Variants in PPOX observed in about 807,000 individuals in gnomAD.
PPOX encodes the protein variegate porphyria.
A neutral mutation model predicts 54.1 loss-of-function variants in PPOX; 23 were observed. That is an observed-to-expected ratio of 0.43 (90% confidence interval 0.31 to 0.60). The LOEUF (loss-of-function observed/expected upper bound fraction) is 0.60. Ranked by LOEUF, PPOX falls within the 20% of genes least tolerant of loss-of-function variation. The pLI is 0.13. For synonymous variants in PPOX, 224 were observed against 236.1 expected, an observed-to-expected ratio of 0.95 and a Z score of 0.47; for missense variants, 512 against 601.1, an observed-to-expected ratio of 0.85 and a Z score of 1.55.
In PPOX at chr1:161,171,018, C is replaced by T. The variant is rs2101906981; in HGVS notation, c.1292-16C>T. ...AGACCCCCAGCTAAAACATTCCTTT[C>T]ATCCTTTCCTTCCAGAGTCAGCTAG... On this transcript the variant is annotated splice_polypyrimidine_tract_variant and intron_variant, in intron 12 of 12. Transcript: ENST00000367999. The T allele has an allele frequency of 6.2e-7, 1 of 1,614,182 alleles. No homozygotes were observed. Among genetic ancestry groups the T allele is most frequent in the Non-Finnish European group, 8.5e-7 (1 of 1,180,030 alleles).
chr1:161,172,482 A>C, downstream of PPOX: 1 of 659,744 alleles, frequency 1.5e-6, no homozygotes, highest in Non-Finnish European at 2.5e-6. Context: ...AAAGAAGGAA[A>C]TGGCTGAAGA....
rs763007710 is a variant in PPOX at position 161,171,092 on chromosome 1, C to A, written c.1350C>A (p.Ser450=). 2 of 1,614,112 alleles carry A rather than the reference C, an allele frequency of 1.2e-6. No individual in the cohort carries two copies. Among genetic ancestry groups the A allele is most frequent in the Admixed American group, 3.3e-5 (2 of 60,022 alleles). Residue 450 remains serine (S), a synonymous_variant, in exon 13 of 13, where the codon TCC becomes TCA. Coordinates refer to ENST00000367999, the MANE Select transcript of PPOX (RefSeq NM_001122764.3). ...TGCCCCTGACTCTGGCTGGAGCCTC[C>A]TATGAGGGAGTTGCTGTTAATGACT... ...HRLPLTLAGA[S]YEGVAVNDCI... is the part of the protein sequence containing the mutation.
chr1:161,168,219 T>C (rs1659816323), intron 5 of PPOX, 92 bp downstream of exon 5: 6 of 1,599,418 alleles, frequency 3.8e-6, no homozygotes, highest in Non-Finnish European at 5.1e-6. Flanking sequence ...CTCTTCTGTA[T>C]CATTTGGGGA....
upstream of PPOX, chr1:161,166,036 C>G (rs1658777312): frequency 2.1e-6 from 2 of 954,068 alleles, no homozygotes; most frequent in Admixed American, 6.2e-5. Context: ...CTCCCGTAGG[C>G]CCGGTCTGTT....
intron 4 of PPOX, 65 bp downstream of exon 4, chr1:161,167,551 T>C: frequency 7.5e-7 from 1 of 1,337,024 alleles, no homozygotes; most frequent in Non-Finnish European, 1.0e-6. Context: ...ATTTCTTTCT[T>C]CTTTTCTTTT....
In PPOX at chr1:161,168,923, T is replaced by C. The variant is rs568216684; in HGVS notation, c.617-70T>C. On this transcript the variant is annotated intron_variant, in intron 6 of 12. Transcript: ENST00000367999. The stretch of plus-strand genomic sequence containing the variant: ...AAGTGATCCACCCGCCTCGGCCTCC[T>C]AAAGTGCTGGGATTACAGGTGTGAG... 22 of 1,585,896 alleles carry C rather than the reference T, an allele frequency of 1.4e-5. No individual in the cohort carries two copies. The East Asian group carries it at 4.5e-4, about 32-fold the overall frequency.
upstream of PPOX, chr1:161,166,145 C>G (rs1374107378): frequency 1.0e-6 from 1 of 985,268 alleles, no homozygotes; most frequent in East Asian, 1.1e-4. Context: ...GCGGCCTTCC[C>G]TCTAGGGTTG....
intron 7 of PPOX, 39 bp from the exon 8 acceptor site, chr1:161,169,621 C>A (rs1558032550): frequency 1.2e-6 from 2 of 1,601,694 alleles, no homozygotes; most frequent in East Asian, 2.2e-5. Flanking sequence ...TCATCAAATT[C>A]TCATTTTCTG....
intron 5 of PPOX, 77 bp downstream of exon 5, chr1:161,168,204 A>AG: frequency 1.9e-6 from 3 of 1,608,158 alleles, no homozygotes; most frequent in South Asian, 2.2e-5. Flanking sequence ...TCTACCACCT[A>AG]GGGGCTCTTC....
intron 4 of PPOX, chr1:161,176,238 T>C (rs1428282207): frequency 1.3e-6 from 1 of 778,932 alleles, no homozygotes; most frequent in African/African-American, 1.7e-5. Context: ...GGAAACAGAA[T>C]GTAACCACCA....
In PPOX at chr1:161,170,460, G is replaced by A. The variant is rs778206779; in HGVS notation, c.1039G>A (p.Val347Met). ...AGAAGATCCAGGAGTCCTGGGAATC[G>A]TGTATGACTCAGTTGCTTTCCCTGA... Reference protein sequence around the residue: ...SSEDPGVLGIVYDSVAFPEQD... With the variant: ...SSEDPGVLGIMYDSVAFPEQD... The change falls in exon 10 of 13, where the codon GTG (valine) becomes ATG (methionine). Residue 347 changes from valine (V) to methionine (M), a missense_variant. By Grantham distance (21) the Val-to-Met change is conservative. Coordinates refer to ENST00000367999, the MANE Select transcript of PPOX (RefSeq NM_001122764.3). 3.1e-6 allele frequency: 5 copies of A among 1,614,192 alleles called. No homozygotes were observed. Among genetic ancestry groups the A allele is most frequent in the Admixed American group, 1.7e-5 (1 of 60,014 alleles).
chr1:161,177,358 C>T (rs995179809), downstream of PPOX: 7 of 435,220 alleles, frequency 1.6e-5, no homozygotes, highest in East Asian at 4.2e-5. Flanking sequence ...CAAAACTTCT[C>T]ACTCTCTCGA....
At chr1:161,169,854 T>C (rs1449177910) in intron 8 of PPOX, 52 bp from the exon 9 acceptor site, 13 of 1,614,042 alleles carry the variant, frequency 8.1e-6, no homozygotes, top group African/African-American at 4.0e-5. Flanking sequence ...CAAAGAGGAC[T>C]GACAACTGTA....
In PPOX at chr1:161,167,228, G is replaced by C; in HGVS notation, c.216G>C (p.Leu72Phe). Reference protein sequence around the residue: ...RPAGALGARTLLLVSELGLDS... With the variant: ...RPAGALGARTFLLVSELGLDS... ...CGGGAGCCCTAGGGGCCCGGACCTT[G>C]CTCCTGGTGAGAGGCTTGTGGGATG... is the stretch of plus-strand genomic sequence containing the variant. The change falls in exon 3 of 13, where the codon TTG (leucine) becomes TTC (phenylalanine). Residue 72 changes from leucine to phenylalanine, a missense_variant. Leu to Phe is a conservative substitution (Grantham distance 22, BLOSUM62 0). Transcript: ENST00000367999. 6.2e-7 allele frequency: 1 copy of C among 1,614,198 alleles called. No homozygotes were observed. The highest frequency in any genetic ancestry group is 8.5e-7 in the Non-Finnish European group (1 of 1,180,030).
rs939652173 is a variant in PPOX at position 161,166,541 on chromosome 1, G to A, written c.-140G>A. The stretch of plus-strand genomic sequence containing the variant: ...ACCTCAGAACTCAGGCGTACTGCCC[G>A]CCGCCCGAGCCCTGCGAGGGCCGAT... On this transcript the variant is annotated 5_prime_UTR_variant, in exon 1 of 13. Coordinates refer to ENST00000367999, the MANE Select transcript of PPOX (RefSeq NM_001122764.3). 8.7e-6 allele frequency: 12 copies of A among 1,374,438 alleles called. No homozygotes were observed. Among genetic ancestry groups the A allele is most frequent in the African/African-American group, 1.5e-5 (1 of 68,472 alleles). The allele number at this position is 1,374,438 out of a possible 1,614,324, so 85.1% of individuals were successfully genotyped here.
chr1:161,175,764 G>C, downstream of PPOX: 2 of 1,602,728 alleles, frequency 1.2e-6, no homozygotes, highest in Non-Finnish European at 1.7e-6. Context: ...CCCTGTCTCC[G>C]CACCTTGTCC....
intron 3 of PPOX, 40 bp downstream of exon 3, chr1:161,167,274 G>A (rs771477400): frequency 8.7e-6 from 14 of 1,614,042 alleles, no homozygotes; most frequent in Non-Finnish European, 1.2e-5. Context: ...GTTGTGGAGG[G>A]GGCTTCCATT....
Position 161,169,158 on chromosome 1 carries a change from G to A in PPOX, c.782G>A (p.Ser261Asn). ...VLRGQPVCGL[S>N]LQAEGRWKVS... ...AGAGGCCAGCCGGTCTGTGGGCTCA[G>A]CCTCCAGGCAGAAGGGCGCTGGAAG... The change falls in exon 7 of 13, where the codon AGC (serine) becomes AAC (asparagine). Residue 261 changes from serine to asparagine, a missense_variant. Transcript: ENST00000367999. The A allele has an allele frequency of 6.2e-7, 1 of 1,614,112 alleles. No homozygotes were observed. The highest frequency in any genetic ancestry group is 8.5e-7 in the Non-Finnish European group (1 of 1,180,026).
chr1:161,167,399 T>G lies in PPOX; in HGVS notation c.251T>G (p.Val84Gly). 1.9e-6 allele frequency: 3 copies of G among 1,613,948 alleles called. No individual in the cohort carries two copies. The highest frequency in any genetic ancestry group is 8.5e-7 in the Non-Finnish European group (1 of 1,179,990). The change falls in exon 4 of 13, where the codon GTG (valine) becomes GGG (glycine). Residue 84 changes from valine (V) to glycine (G), a missense_variant. Val to Gly is a moderately radical substitution (Grantham distance 109, BLOSUM62 -3). Coordinates refer to ENST00000367999, the MANE Select transcript of PPOX (RefSeq NM_001122764.3). ...TCTGAGCTTGGCTTGGATTCAGAAGTGCTGCCTGTCCGGGGAGACCACCCA... is the reference window on the plus strand; with the variant it reads ...TCTGAGCTTGGCTTGGATTCAGAAGGGCTGCCTGTCCGGGGAGACCACCCA... ...LVSELGLDSEVLPVRGDHPAA... is the reference protein window; with the variant it reads ...LVSELGLDSEGLPVRGDHPAA...
Sources: allele counts gnomAD v4.1 joint callset, GRCh38; gene constraint gnomAD v4.1.1; transcripts MANE v1.5; gene names NCBI Gene and HGNC (gene_info 2026-07-23, HGNC 2026-07-21).